PDE4D: variants seen among roughly 807,000 people sequenced by gnomAD.
PDE4D encodes the protein 3',5'-cyclic-AMP phosphodiesterase 4D.
Under a neutral mutation model 87.4 loss-of-function variants are expected in PDE4D, and 24 were observed. That is an observed-to-expected ratio of 0.27 (90% CI 0.20 to 0.39). The LOEUF (loss-of-function observed/expected upper bound fraction) is 0.39. PDE4D is among the 10% of genes least tolerant of loss of function. PDE4D has a pLI of 1.00. For synonymous variants in PDE4D, 384 were observed against 383.2 expected (o/e 1.00, Z -0.02); for missense variants, 714 against 1,041.0 (o/e 0.69, Z 4.32).
intron 1 of PDE4D, among the ~76,000 whole-genome samples, chr5:59,580,485 G>A (rs1401820087): frequency 1.3e-5 from 2 of 151,774 alleles, no homozygotes; most frequent in African/African-American, 2.4e-5. Flanking sequence ...TTATTTTTTT[G>A]AGACAGGGTC....
rs1426155626 is a variant in PDE4D, at chr5:59,031,473, C to T, written c.921+7386G>A. Among the ~76,000 whole-genome samples the T allele has an allele frequency of 4.2e-5, 6 of 141,338 alleles. 1 individual carries two copies. The South Asian group carries it at 6.7e-4, about 16-fold the overall frequency. The allele number at this position is 141,338 out of a possible 152,430, so 92.7% of individuals were successfully genotyped here. A position where few individuals can be genotyped will look rare whatever the true frequency, so the allele number is the denominator to read the frequency against. ...CTGTAATCCCAGCACTTTGGGAGGC[C>T]GAGGCGGGCCGATCACAAGGTCAGG... On this transcript the variant is annotated intron_variant, in intron 6 of 14. Coordinates refer to ENST00000340635, the MANE Select transcript of PDE4D (RefSeq NM_001104631.2).
At chr5:59,900,502 A>T (rs2152762082) in intron 3 of PDE4D, among the ~76,000 whole-genome samples, 1 of 152,288 alleles carries the variant, frequency 6.6e-6, no homozygotes, top group East Asian at 1.9e-4. Context: ...CATAAGAATG[A>T]TATTGGAAGC....
At chr5:59,719,753 G>T (rs1310584946) in intron 1 of PDE4D, among the ~76,000 whole-genome samples, 1 of 152,142 alleles carries the variant, frequency 6.6e-6, no homozygotes, top group Non-Finnish European at 1.5e-5. Context: ...ATATTTTATA[G>T]CATAACACTA....
intron 1 of PDE4D, among the ~76,000 whole-genome samples, chr5:59,643,557 TTATTA>T (rs1741960488): frequency 6.6e-6 from 1 of 152,222 alleles, no homozygotes; most frequent in Non-Finnish European, 1.5e-5. Context: ...TACATGTAGT[TTATTA>T]TATATTTTTT....
intron 1 of PDE4D, among the ~76,000 whole-genome samples, chr5:59,553,854 A>C (rs1281567890): frequency 6.6e-6 from 1 of 152,198 alleles, no homozygotes; most frequent in Non-Finnish European, 1.5e-5. Flanking sequence ...TAAAGCTTCT[A>C]AAATAATTGA....
intron 1 of PDE4D, among the ~76,000 whole-genome samples, chr5:59,314,998 G>C (rs567452832): frequency 3.2e-4 from 48 of 152,246 alleles, no homozygotes; most frequent in African/African-American, 8.7e-4. Context: ...TGCCTTGTTG[G>C]GGGGAAAGAG....
chr5:59,710,647 G>A (rs1415846670), intron 1 of PDE4D, among the ~76,000 whole-genome samples: 3 of 152,118 alleles, frequency 2.0e-5, no homozygotes, highest in Non-Finnish European at 4.4e-5. Flanking sequence ...GATTGTGATT[G>A]TAAATCCTAT....
At chr5:60,388,442 C>A (rs1305582132) in intron 1 of PDE4D, among the ~76,000 whole-genome samples, 2 of 151,768 alleles carry the variant, frequency 1.3e-5, no homozygotes, top group Admixed American at 1.3e-4. Context: ...GTTTGTTACA[C>A]AGGTATACAT....
chr5:60,264,568 T>C (rs1389694220), intron 1 of PDE4D, among the ~76,000 whole-genome samples: 4 of 152,230 alleles, frequency 2.6e-5, no homozygotes, highest in Admixed American at 6.5e-5. Context: ...ACTGGGTAAG[T>C]GGACTAGAAT....
intron 1 of PDE4D, among the ~76,000 whole-genome samples, chr5:59,491,306 AG>A (rs1329479441): frequency 6.6e-6 from 1 of 152,216 alleles, no homozygotes; most frequent in African/African-American, 2.4e-5. Context: ...CCATATATAA[AG>A]CAGATACTGC....
intron 1 of PDE4D, among the ~76,000 whole-genome samples, chr5:59,716,356 G>C (rs1755025162): frequency 6.6e-6 from 1 of 152,198 alleles, no homozygotes; most frequent in African/African-American, 2.4e-5. Flanking sequence ...ACTGTCTACA[G>C]TTCCTCACGT....
chr5:59,518,248 T>C (rs1390626723), intron 1 of PDE4D, among the ~76,000 whole-genome samples: 5 of 151,654 alleles, frequency 3.3e-5, no homozygotes, highest in African/African-American at 4.8e-5. Context: ...GTGGCAAAAA[T>C]AGTGATTTCA....
intron 1 of PDE4D, among the ~76,000 whole-genome samples, chr5:60,315,160 T>G (rs963797586): frequency 9.2e-5 from 14 of 152,312 alleles, no homozygotes; most frequent in African/African-American, 3.1e-4. Flanking sequence ...GTTTCCTGAC[T>G]TTTTCATGAT....
intron 1 of PDE4D, among the ~76,000 whole-genome samples, chr5:60,457,313 C>T (rs1746550768): frequency 6.6e-6 from 1 of 152,164 alleles, no homozygotes; most frequent in Non-Finnish European, 1.5e-5. Flanking sequence ...TCCCAAAAGT[C>T]TCATCTGCCA....
At chr5:59,708,140 T>C (rs1439983186) in intron 1 of PDE4D, among the ~76,000 whole-genome samples, 1 of 152,192 alleles carries the variant, frequency 6.6e-6, no homozygotes, top group Non-Finnish European at 1.5e-5. Flanking sequence ...GACTATTTAA[T>C]AATGGCCATT....
At chr5:59,893,134 T>C in intron 1 of PDE4D, 34 bp downstream of exon 1, 4 of 1,535,620 alleles carry the variant, frequency 2.6e-6, no homozygotes, top group Non-Finnish European at 3.5e-6. Flanking sequence ...GGTGACCCTT[T>C]GCCTGAATGG....
At chr5:60,100,072 A>G (rs916545660) in intron 2 of PDE4D, among the ~76,000 whole-genome samples, 2 of 152,054 alleles carry the variant, frequency 1.3e-5, no homozygotes, top group East Asian at 1.9e-4. Context: ...GTTGAAAGAA[A>G]AAAGAGGAAA....
chr5:60,367,149 C>T (rs945434480), intron 1 of PDE4D, among the ~76,000 whole-genome samples: 1 of 151,952 alleles, frequency 6.6e-6, no homozygotes, highest in African/African-American at 2.4e-5. Context: ...AATTTTTTGT[C>T]AATAAAATTT....
At chr5:59,848,231 G>A (rs1744152675) in intron 1 of PDE4D, among the ~76,000 whole-genome samples, 1 of 151,966 alleles carries the variant, frequency 6.6e-6, no homozygotes, top group African/African-American at 2.4e-5. Flanking sequence ...ATATCTGATA[G>A]GTCAAATTAT....
Sources: allele counts gnomAD v4.1 joint callset (sites outside exome capture counted in the v4.1 genomes callset), GRCh38; gene constraint gnomAD v4.1.1; transcripts MANE v1.5; gene names NCBI Gene and HGNC (gene_info 2026-07-23, HGNC 2026-07-21).